Variants in TENM3 observed in about 807,000 individuals in gnomAD.
TENM3 encodes the protein teneurin-3.
Under a neutral mutation model 255.1 loss-of-function variants are expected in TENM3, and 63 were observed. The ratio of observed to expected loss-of-function variants is 0.25; its 90% CI spans 0.20 to 0.30. The LOEUF (loss-of-function observed/expected upper bound fraction) is 0.30. Ranked by LOEUF, TENM3 falls within the 10% of genes least tolerant of loss-of-function variation. TENM3 has a pLI of 1.00. For missense variants in TENM3, 2,929 were observed against 3,461.1 expected (o/e 0.85, Z 3.86); for synonymous variants, 1,306 against 1,322.3 (o/e 0.99, Z 0.27).
At chr4:181,582,675 A>C in the TENM3 span, among the ~76,000 whole-genome samples, 1 of 145,856 alleles carries the variant, frequency 6.9e-6, no homozygotes, top group African/African-American at 2.6e-5. Flanking sequence ...AAATCAAAAA[A>C]AAAAAAAAAA....
chr4:181,945,156 G>C, the TENM3 span, among the ~76,000 whole-genome samples: 1 of 152,040 alleles, frequency 6.6e-6, no homozygotes, highest in South Asian at 2.1e-4. Flanking sequence ...AACAGGGAAA[G>C]ATAAGCAATG....
the TENM3 span, among the ~76,000 whole-genome samples, chr4:182,096,438 A>G: frequency 6.6e-6 from 1 of 152,238 alleles, no homozygotes; most frequent in African/African-American, 2.4e-5. Flanking sequence ...AAATCATAGA[A>G]GAAAGAACAT....
the TENM3 span, among the ~76,000 whole-genome samples, chr4:181,758,668 T>C: frequency 6.6e-6 from 1 of 152,216 alleles, no homozygotes; most frequent in South Asian, 2.1e-4. Flanking sequence ...TACCCAACTT[T>C]GAGCTAAGTG....
rs540358338 is a variant in TENM3 at position 182,396,140 on chromosome 4, G to T, written c.511+49211G>T. Reference sequence around the variant, plus strand: ...GTACCTGTGCAGGTTTGTTACCTGGGTGCATTGTGTGATGCTGTTTTCTTA... The same window carrying T: ...GTACCTGTGCAGGTTTGTTACCTGGTTGCATTGTGTGATGCTGTTTTCTTA... On this transcript the variant is annotated intron_variant, in intron 3 of 27. Coordinates refer to ENST00000511685, the MANE Select transcript of TENM3 (RefSeq NM_001080477.4). 1.0e-3 allele frequency among the ~76,000 whole-genome samples: 158 copies of T among 152,252 alleles called. 1 individual carries two copies. The highest frequency in any genetic ancestry group is 2.0e-3 in the Non-Finnish European group (134 of 68,042).
chr4:181,452,357 G>A, the TENM3 span, among the ~76,000 whole-genome samples: 1 of 152,122 alleles, frequency 6.6e-6, no homozygotes, highest in Non-Finnish European at 1.5e-5. Context: ...ATTTCATCTT[G>A]AATTGTAGTT....
intron 3 of TENM3, among the ~76,000 whole-genome samples, chr4:182,506,349 C>CT (rs1736816201): frequency 6.6e-6 from 1 of 152,130 alleles, no homozygotes; most frequent in Non-Finnish European, 1.5e-5. Context: ...GAAGTTCAAT[C>CT]TTGTCATTAC....
At chr4:181,777,018 A>G in the TENM3 span, among the ~76,000 whole-genome samples, 1 of 151,970 alleles carries the variant, frequency 6.6e-6, no homozygotes, top group Non-Finnish European at 1.5e-5. Flanking sequence ...GCCGATATCC[A>G]GGAGTGTTTA....
chr4:181,850,651 G>GT, the TENM3 span, among the ~76,000 whole-genome samples: 2 of 151,826 alleles, frequency 1.3e-5, no homozygotes, highest in Admixed American at 6.6e-5. Context: ...CTCCTTACGT[G>GT]TTTTTTTAAC....
chr4:181,657,313 A>G, the TENM3 span, among the ~76,000 whole-genome samples: 4 of 152,072 alleles, frequency 2.6e-5, no homozygotes, highest in Non-Finnish European at 5.9e-5. Flanking sequence ...AAGTTAATAA[A>G]CAATTCAACA....
At chr4:182,030,218 A>C in the TENM3 span, among the ~76,000 whole-genome samples, 1 of 151,750 alleles carries the variant, frequency 6.6e-6, no homozygotes, top group South Asian at 2.1e-4. Flanking sequence ...TATTTTTCCT[A>C]ATGCTCTCTC....
intron 12 of TENM3, among the ~76,000 whole-genome samples, chr4:182,712,997 T>C (rs2152675502): frequency 6.6e-6 from 1 of 152,334 alleles, no homozygotes; most frequent in Admixed American, 6.5e-5. Flanking sequence ...CCAAGTGTCA[T>C]CCTCATAAAC....
At chr4:182,476,927 T>C (rs1312200909) in intron 3 of TENM3, among the ~76,000 whole-genome samples, 1 of 152,214 alleles carries the variant, frequency 6.6e-6, no homozygotes, top group African/African-American at 2.4e-5. Context: ...GTTCTACTTC[T>C]AAACCCAATT....
the TENM3 span, among the ~76,000 whole-genome samples, chr4:182,073,418 G>C: frequency 1.3e-5 from 2 of 152,180 alleles, no homozygotes; most frequent in Non-Finnish European, 2.9e-5. Flanking sequence ...ACAGAGAACA[G>C]GTGGCCATCT....
At chr4:182,165,263 G>A (rs575249154) in intron 1 of TENM3, among the ~76,000 whole-genome samples, 81 of 152,192 alleles carry the variant, frequency 5.3e-4, no homozygotes, top group African/African-American at 1.7e-3. Context: ...CATTATTTTC[G>A]GAGTTCCATT....
the TENM3 span, among the ~76,000 whole-genome samples, chr4:181,694,717 G>A: frequency 2.0e-4 from 30 of 152,112 alleles, no homozygotes; most frequent in African/African-American, 2.7e-4. Context: ...TTTTCTTCCC[G>A]GAATGGAATA....
chr4:182,605,262 G>C (rs1748295106), intron 4 of TENM3, among the ~76,000 whole-genome samples: 1 of 152,108 alleles, frequency 6.6e-6, no homozygotes, highest in African/African-American at 2.4e-5. Context: ...AATATGCCTG[G>C]GAAGGTAGCT....
At chr4:181,750,091 A>G in the TENM3 span, among the ~76,000 whole-genome samples, 1 of 152,208 alleles carries the variant, frequency 6.6e-6, no homozygotes, top group East Asian at 1.9e-4. Flanking sequence ...GAAAGCAGAG[A>G]AGAAAGGACA....
At chr4:182,431,990 C>G (rs1374786151) in intron 3 of TENM3, among the ~76,000 whole-genome samples, 2 of 150,702 alleles carry the variant, frequency 1.3e-5, no homozygotes, top group Non-Finnish European at 3.0e-5. Flanking sequence ...GCAGTAGAAT[C>G]GCTTGAACCT....
the TENM3 span, among the ~76,000 whole-genome samples, chr4:181,482,565 A>T: frequency 1.3e-5 from 2 of 152,054 alleles, no homozygotes; most frequent in African/African-American, 4.8e-5. Flanking sequence ...TAAGGTATTG[A>T]TCTGCTTATT....
Sources: gnomAD v4.1 joint callset for allele counts (sites outside exome capture counted in the v4.1 genomes callset) on GRCh38, gnomAD v4.1.1 for gene constraint, MANE v1.5 for transcripts, NCBI Gene and HGNC (gene_info 2026-07-23, HGNC 2026-07-21) for gene names.